METTL15: variants seen among roughly 807,000 people sequenced by gnomAD.
METTL15 encodes 12S rRNA N(4)-cytidine methyltransferase METTL15.
Under a neutral mutation model 38.3 loss-of-function variants are expected in METTL15, and 34 were observed. The ratio of observed to expected loss-of-function variants is 0.89; its 90% confidence interval spans 0.68 to 1.18. The LOEUF (loss-of-function observed/expected upper bound fraction) is 1.18. Among genes scored for constraint, METTL15 ranks in the 50% most tolerant of loss-of-function variants. The pLI is 0.00. For synonymous variants in METTL15, 162 were observed against 170.9 expected, an observed-to-expected ratio of 0.95 and a Z score of 0.41; for missense variants, 438 against 498.4, an observed-to-expected ratio of 0.88 and a Z score of 1.15.
intron 4 of METTL15, among the ~76,000 whole-genome samples, chr11:28,361,714 T>A (rs1434734282): frequency 1.3e-5 from 2 of 152,158 alleles, no homozygotes; most frequent in African/African-American, 4.8e-5. Flanking sequence ...TAAATATTTA[T>A]TTAATACTTA....
chr11:28,211,087 C>G lies in METTL15; in HGVS notation c.296C>G (p.Ser99Trp). Reference sequence around the variant, plus strand: ...ATTTTTCTAGATATGACATTTGGTTCGGGAGGGCACACAAAAGCCATTCTG... The same window carrying G: ...ATTTTTCTAGATATGACATTTGGTTGGGGAGGGCACACAAAAGCCATTCTG... ...GQIFLDMTFG[S>W]GGHTKAILQK... The change falls in exon 4 of 7, where the codon TCG (serine) becomes TGG (tryptophan). Residue 99 changes from serine (S) to tryptophan (W), a missense_variant. Physicochemically the swap from Ser to Trp is radical, Grantham distance 177. Transcript: ENST00000407364. 1 of 1,610,380 alleles carries G rather than the reference C, an allele frequency of 6.2e-7. No homozygotes were observed. The highest frequency in any genetic ancestry group is 1.7e-5 in the Admixed American group (1 of 59,698).
intron 5 of METTL15, among the ~76,000 whole-genome samples, chr11:28,417,436 T>C (rs1360467541): frequency 6.6e-6 from 1 of 152,226 alleles, no homozygotes; most frequent in Non-Finnish European, 1.5e-5. Context: ...TTTGATTTCT[T>C]GAGAATCTGG....
intron 4 of METTL15, among the ~76,000 whole-genome samples, chr11:28,269,834 A>T (rs753313191): frequency 1.3e-5 from 2 of 152,226 alleles, no homozygotes; most frequent in Non-Finnish European, 2.9e-5. Context: ...GAGCCGGCCT[A>T]GTGCCAGCTT....
intron 5 of METTL15, among the ~76,000 whole-genome samples, chr11:28,406,130 T>C (rs1427180115): frequency 1.3e-5 from 2 of 152,210 alleles, no homozygotes; most frequent in Admixed American, 6.5e-5. Flanking sequence ...TAGTTTTTTT[T>C]CTAATTCTGT....
intron 5 of METTL15, among the ~76,000 whole-genome samples, chr11:28,371,887 G>T (rs993365527): frequency 6.6e-5 from 10 of 151,928 alleles, no homozygotes; most frequent in Non-Finnish European, 1.2e-4. Flanking sequence ...ACAATTTTTT[G>T]TTAGAGACTT....
At chr11:28,434,084 G>A (rs971188063) in intron 6 of METTL15, among the ~76,000 whole-genome samples, 2 of 152,082 alleles carry the variant, frequency 1.3e-5, no homozygotes, top group African/African-American at 2.4e-5. Flanking sequence ...CCCACATGTC[G>A]TGGGGAGGAA....
rs543343371 is a variant in METTL15, at chr11:28,383,626, C to T, written c.*358+21590C>T. Among the ~76,000 whole-genome samples, 4 of 152,152 alleles carry T rather than the reference C, an allele frequency of 2.6e-5. No individual in the cohort carries two copies. The South Asian group carries it at 8.3e-4, about 32-fold the overall frequency. On this transcript the variant is annotated intron_variant and NMD_transcript_variant, in intron 5 of 7. Coordinates refer to the METTL15 transcript ENST00000532947. Reference sequence around the variant, plus strand: ...TTTTTCTCCACAATCTCACCAGCATCTGTTATTTTTGACTTTTTAATAGTA... The same window carrying T: ...TTTTTCTCCACAATCTCACCAGCATTTGTTATTTTTGACTTTTTAATAGTA...
At chr11:28,404,531 C>T (rs1039493862) in intron 5 of METTL15, among the ~76,000 whole-genome samples, 4 of 151,922 alleles carry the variant, frequency 2.6e-5, no homozygotes, top group South Asian at 2.1e-4. Context: ...GGCATTTATC[C>T]CATTCATTAG....
At chr11:28,308,892 G>GTAGATAGATAGATAGATAGATAGATAGA (rs68044190) in intron 6 of METTL15, among the ~76,000 whole-genome samples, 1 of 146,896 alleles carries the variant, frequency 6.8e-6, no homozygotes, top group African/African-American at 2.5e-5. Context: ...AGGTAGGTAG[G>GTAGATAGATAGATAGATAGATAGATAGA]TAGATAGATA....
intron 3 of METTL15, chr11:28,123,956 T>C (rs1242411598): frequency 2.7e-6 from 3 of 1,100,866 alleles, no homozygotes; most frequent in African/African-American, 1.6e-5. Flanking sequence ...TTATTAATAA[T>C]AACAACATAG....
At chr11:28,506,349 G>C (rs1366396573) in intron 6 of METTL15, among the ~76,000 whole-genome samples, 2 of 152,168 alleles carry the variant, frequency 1.3e-5, no homozygotes, top group Non-Finnish European at 2.9e-5. Context: ...TTGAATTTCA[G>C]TGTCATTGCT....
chr11:28,437,208 C>A (rs1850990797), intron 6 of METTL15, among the ~76,000 whole-genome samples: 1 of 152,138 alleles, frequency 6.6e-6, no homozygotes, highest in South Asian at 2.1e-4. Context: ...TTTCCTTGCT[C>A]CTCATCTTGC....
intron 4 of METTL15, among the ~76,000 whole-genome samples, chr11:28,219,748 C>G (rs1407730750): frequency 6.6e-6 from 1 of 152,110 alleles, no homozygotes; most frequent in African/African-American, 2.4e-5. Context: ...CCCATAGATT[C>G]TGGTATGTTG....
At chr11:28,479,814 A>G (rs1851380503) in intron 6 of METTL15, among the ~76,000 whole-genome samples, 1 of 152,208 alleles carries the variant, frequency 6.6e-6, no homozygotes. Flanking sequence ...AAGTTTATTA[A>G]ACATTTTACT....
intron 6 of METTL15, among the ~76,000 whole-genome samples, chr11:28,457,066 G>A (rs1851175291): frequency 6.6e-6 from 1 of 152,112 alleles, no homozygotes; most frequent in African/African-American, 2.4e-5. Context: ...TTATTATATA[G>A]CAATAAATAC....
intron 6 of METTL15, chr11:28,517,081 T>C (rs1190443796): frequency 1.3e-5 from 2 of 152,188 alleles, no homozygotes; most frequent in Non-Finnish European, 2.9e-5. Context: ...TCTTTGCAAA[T>C]GGGACAGACT....
chr11:28,265,421 G>T (rs529305631), intron 4 of METTL15, among the ~76,000 whole-genome samples: 2 of 152,124 alleles, frequency 1.3e-5, no homozygotes, highest in African/African-American at 4.8e-5. Flanking sequence ...GCATGAAAGA[G>T]TTGGTGAGAA....
At chr11:28,374,922 A>G (rs1850289668) in intron 5 of METTL15, among the ~76,000 whole-genome samples, 1 of 151,890 alleles carries the variant, frequency 6.6e-6, no homozygotes, top group African/African-American at 2.4e-5. Flanking sequence ...TATTGAGATA[A>G]TCATGTGGTT....
rs188823001 is a variant in METTL15 at position 28,438,760 on chromosome 11, C to G, written c.*424+14396C>G. On this transcript the variant is annotated intron_variant and NMD_transcript_variant, in intron 6 of 7. Transcript: ENST00000532947. ...CACGAACTCGGCTCACTGCAACCTC[C>G]GCCTCCCAGGTTCAAACAATTCTCC... Among the ~76,000 whole-genome samples, 327 of 150,528 alleles carry G rather than the reference C, an allele frequency of 2.2e-3. 1 individual carries two copies. Among genetic ancestry groups the G allele is most frequent in the African/African-American group, 7.2e-3 (293 of 40,868 alleles).
Sources: allele counts gnomAD v4.1 joint callset (sites outside exome capture counted in the v4.1 genomes callset), GRCh38; gene constraint gnomAD v4.1.1; transcripts MANE v1.5; gene names NCBI Gene and HGNC (gene_info 2026-07-23, HGNC 2026-07-21).